Variants in RPH3AL observed in about 807,000 individuals in gnomAD.
The protein encoded by RPH3AL is rabphilin 3A like (without C2 domains).
RPH3AL carries 38 observed loss-of-function variants against 43.1 expected under a neutral mutation model. The ratio of observed to expected loss-of-function variants is 0.88; its 90% CI spans 0.68 to 1.15. The LOEUF (loss-of-function observed/expected upper bound fraction) is 1.15, where lower values mean the gene tolerates loss of function less well. Ranked by LOEUF, RPH3AL falls within the 50% of genes most tolerant of loss-of-function variation. The pLI is 0.00. For synonymous variants in RPH3AL, 189 were observed against 176.3 expected (o/e 1.07, Z -0.57); for missense variants, 462 against 423.2 (o/e 1.09, Z -0.81).
intron 6 of RPH3AL, among the ~76,000 whole-genome samples, chr17:266,842 C>T (rs1240776567): frequency 2.0e-5 from 3 of 152,256 alleles, no homozygotes; most frequent in African/African-American, 7.2e-5. Flanking sequence ...TCCTGTGAGG[C>T]TTCTACACAA....
At chr17:251,646 A>G (rs2041903754) in intron 6 of RPH3AL, among the ~76,000 whole-genome samples, 1 of 152,240 alleles carries the variant, frequency 6.6e-6, no homozygotes, top group Non-Finnish European at 1.5e-5. Context: ...GACAGGAGGA[A>G]GCAGCAAACA....
intron 5 of RPH3AL, among the ~76,000 whole-genome samples, chr17:301,890 T>G (rs528991476): frequency 1.3e-5 from 2 of 152,254 alleles, no homozygotes; most frequent in South Asian, 2.1e-4. Context: ...AAAACGAGTA[T>G]GAACACTGCC....
At chr17:236,399 G>A (rs2041395311) in intron 7 of RPH3AL, among the ~76,000 whole-genome samples, 1 of 152,260 alleles carries the variant, frequency 6.6e-6, no homozygotes, top group South Asian at 2.1e-4. Flanking sequence ...CTGGGTCTGG[G>A]AGAAGTGGCC....
intron 5 of RPH3AL, among the ~76,000 whole-genome samples, chr17:317,300 C>A (rs1167488189): frequency 6.6e-6 from 1 of 151,578 alleles, no homozygotes; most frequent in Non-Finnish European, 1.5e-5. Flanking sequence ...CTCTGTCCCA[C>A]CTCCATTGAC....
At chr17:275,624 C>T (rs888890673) in intron 6 of RPH3AL, among the ~76,000 whole-genome samples, 7 of 152,148 alleles carry the variant, frequency 4.6e-5, no homozygotes, top group African/African-American at 1.4e-4. Context: ...TACGGTTCAC[C>T]GCAGCCTCGA....
intron 1 of RPH3AL, among the ~76,000 whole-genome samples, chr17:341,868 A>G (rs2045128774): frequency 6.6e-6 from 1 of 152,184 alleles, no homozygotes; most frequent in South Asian, 2.1e-4. Flanking sequence ...TAATTTGTAA[A>G]TCTGTCATAA....
chr17:336,464 G>A (rs1023172092), intron 1 of RPH3AL, among the ~76,000 whole-genome samples: 12 of 152,034 alleles, frequency 7.9e-5, no homozygotes, highest in African/African-American at 1.2e-4. Flanking sequence ...AAACTCCACC[G>A]CCCCCGGGCA....
At chr17:218,958 G>A (rs538311943) in intron 8 of RPH3AL, among the ~76,000 whole-genome samples, 3 of 152,116 alleles carry the variant, frequency 2.0e-5, no homozygotes, top group African/African-American at 7.2e-5. Context: ...ACGCTCACAG[G>A]TGGGCATGGG....
At chr17:312,741 A>G (rs1381855860) in intron 5 of RPH3AL, among the ~76,000 whole-genome samples, 5 of 152,168 alleles carry the variant, frequency 3.3e-5, no homozygotes, top group Non-Finnish European at 5.9e-5. Context: ...TAATGACCCC[A>G]TTTTACAGAT....
intron 3 of RPH3AL, among the ~76,000 whole-genome samples, chr17:325,058 C>T (rs770059333): frequency 3.9e-5 from 6 of 152,146 alleles, no homozygotes; most frequent in African/African-American, 9.6e-5. Flanking sequence ...AGGGTTTCAC[C>T]GCGTTGGTCA....
chr17:297,279 T>C (rs112502388), intron 5 of RPH3AL, among the ~76,000 whole-genome samples: 2,479 of 152,336 alleles, frequency 0.016, 71 homozygotes, highest in African/African-American at 0.057. Flanking sequence ...CACTTTGTAA[T>C]ATCCTTCGTC....
At chr17:224,615 G>A (rs541517028) in intron 7 of RPH3AL, among the ~76,000 whole-genome samples, 1 of 152,344 alleles carries the variant, frequency 6.6e-6, no homozygotes, top group African/African-American at 2.4e-5. Context: ...ACATGCAAAT[G>A]AGGCTGGTGT....
intron 3 of RPH3AL, among the ~76,000 whole-genome samples, chr17:325,840 G>A (rs2044606222): frequency 6.6e-6 from 1 of 152,178 alleles, no homozygotes; most frequent in Admixed American, 6.5e-5. Flanking sequence ...ATATCCCTGA[G>A]GGTCCCACGG....
intron 3 of RPH3AL, among the ~76,000 whole-genome samples, chr17:324,033 G>C (rs1251590471): frequency 6.7e-6 from 1 of 149,466 alleles, no homozygotes; most frequent in African/African-American, 2.5e-5. Flanking sequence ...CCTCAGAGTC[G>C]CCCTGTAAGG....
intron 5 of RPH3AL, among the ~76,000 whole-genome samples, chr17:303,115 T>C (rs947602417): frequency 3.3e-5 from 5 of 152,188 alleles, no homozygotes; most frequent in African/African-American, 1.2e-4. Flanking sequence ...AACGTAACTG[T>C]ATCGTTAAGG....
rs138625479 is a variant in RPH3AL at position 215,847 on chromosome 17, G to A, written c.728-45C>T. ...GGCCCCGTGGATCTCAAACCGAGAC[G>A]GGGTGATCTCAGTCCAGTTCCTCGT... On this transcript the variant is annotated intron_variant, in intron 8 of 9. Transcript: ENST00000331302. The surrounding 1 kb of genome is among the most constrained non-coding windows in gnomAD (Gnocchi z 4.1). 56 of 1,296,422 alleles carry A rather than the reference G, an allele frequency of 4.3e-5. No homozygotes were observed. Among genetic ancestry groups the A allele is most frequent in the South Asian group, 5.2e-5 (2 of 38,258 alleles). 80.3% of individuals were successfully genotyped at this position (1,296,422 alleles called of 1,614,324 possible).
Position 289,173 on chromosome 17 carries a change from C to A in RPH3AL, c.352-7319G>T, listed in dbSNP as rs1243545522. ...CATCTGTAAGTTGGTGGTAACAGGC[C>A]CCCCCACACCCCAGGTTGCAGATGA... On this transcript the variant is annotated intron_variant, in intron 5 of 9. Transcript: ENST00000331302. This position sits in a 1 kb window ranked among gnomAD's most constrained non-coding sequence, Gnocchi z 5.2. Among the ~76,000 whole-genome samples, 5 of 151,972 alleles carry A rather than the reference C, an allele frequency of 3.3e-5. No individual in the cohort carries two copies. Among genetic ancestry groups the A allele is most frequent in the African/African-American group, 4.8e-5 (2 of 41,356 alleles).
Position 289,523 on chromosome 17 carries a change from G to A in RPH3AL, c.352-7669C>T, listed in dbSNP as rs1300146521. ...CCGCGCTGTCCTCCAGCTGGTTCCC[G>A]ACATGGCAGCCAGGCCGATTTTCTC... On this transcript the variant is annotated intron_variant, in intron 5 of 9. Coordinates refer to ENST00000331302, the MANE Select transcript of RPH3AL (RefSeq NM_006987.4). This position sits in a 1 kb window ranked among gnomAD's most constrained non-coding sequence, Gnocchi z 5.2. Among the ~76,000 whole-genome samples, 1 of 152,136 alleles carries A rather than the reference G, an allele frequency of 6.6e-6. No individual in the cohort carries two copies. The highest frequency in any genetic ancestry group is 1.5e-5 in the Non-Finnish European group (1 of 68,042).
At chr17:317,202 G>T (rs1181990562) in intron 5 of RPH3AL, among the ~76,000 whole-genome samples, 3 of 144,832 alleles carry the variant, frequency 2.1e-5, no homozygotes, top group Non-Finnish European at 3.0e-5. Flanking sequence ...TGTAGTCCCT[G>T]TACTCCACCT....
Sources: gnomAD v4.1 joint callset for allele counts (sites outside exome capture counted in the v4.1 genomes callset) on GRCh38, gnomAD v4.1.1 for gene constraint, Gnocchi (gnomAD v3.1) non-coding constraint, MANE v1.5 for transcripts, NCBI Gene and HGNC (gene_info 2026-07-23, HGNC 2026-07-21) for gene names.